Variants in CCAR1 observed in about 807,000 individuals in gnomAD.
CCAR1 encodes the protein cell division cycle and apoptosis regulator 1, also known as cell division cycle and apoptosis regulator protein 1.
A neutral mutation model predicts 163.8 loss-of-function variants in CCAR1; 78 were observed. The observed-to-expected ratio is 0.48, with a 90% CI of 0.40 to 0.57. The LOEUF (loss-of-function observed/expected upper bound fraction) is 0.57. Ranked by LOEUF, CCAR1 falls within the 20% of genes least tolerant of loss-of-function variation. The pLI is 0.00. For synonymous variants in CCAR1, 443 were observed against 460.7 expected (o/e 0.96, Z 0.49); for missense variants, 1,019 against 1,365.2 (o/e 0.75, Z 4.00).
At chr10:68,780,263 G>A (rs879812149) in intron 19 of CCAR1, among the ~76,000 whole-genome samples, 8 of 152,232 alleles carry the variant, frequency 5.3e-5, no homozygotes, top group South Asian at 2.1e-4. Context: ...TAGCACGCTC[G>A]TGGCTCACTG....
intron 19 of CCAR1, among the ~76,000 whole-genome samples, chr10:68,783,213 G>A (rs1323297349): frequency 2.7e-5 from 4 of 150,760 alleles, no homozygotes; most frequent in Admixed American, 6.6e-5. Flanking sequence ...TTTTTGAGAC[G>A]GAGTCTTGCT....
intron 2 of CCAR1, among the ~76,000 whole-genome samples, chr10:68,732,336 T>TTTTG (rs57833784): frequency 0.027 from 4,135 of 151,640 alleles, 131 homozygotes; most frequent in African/African-American, 0.073. Context: ...ACCAGAACAG[T>TTTTG]TTTGTTTGTT....
At chr10:68,769,405 G>A (rs188620331) in intron 17 of CCAR1, among the ~76,000 whole-genome samples, 2 of 152,298 alleles carry the variant, frequency 1.3e-5, no homozygotes, top group Non-Finnish European at 2.9e-5. Context: ...CGGATCGCCT[G>A]AGTTCAGGAG....
At position 68,756,748 on chromosome 10, in the gene CCAR1, C is replaced by T. The variant is rs1161847175; in HGVS notation, c.1836+265C>T. On this transcript the variant is annotated intron_variant, in intron 14 of 24. Coordinates refer to ENST00000265872, the MANE Select transcript of CCAR1 (RefSeq NM_018237.4). This position sits in a 1 kb window ranked among gnomAD's most constrained non-coding sequence, Gnocchi z 5.1. ...ACAGAATTTTGTTTTTATCATAGGTCTAGTTGCTGGAATCTGGGACCAGTT... is the reference window on the plus strand; with the variant it reads ...ACAGAATTTTGTTTTTATCATAGGTTTAGTTGCTGGAATCTGGGACCAGTT... 1 of 484,002 alleles carries T rather than the reference C, an allele frequency of 2.1e-6. No individual in the cohort carries two copies. Among genetic ancestry groups the T allele is most frequent in the East Asian group, 4.3e-5 (1 of 23,428 alleles). 30.0% of individuals were successfully genotyped at this position (484,002 alleles called of 1,614,324 possible).
rs563693456 is a variant in CCAR1 at position 68,736,825 on chromosome 10, A to G, written c.74-51A>G. 3.9e-6 allele frequency: 6 copies of G among 1,520,640 alleles called. No individual in the cohort carries two copies. In the South Asian group the frequency reaches 4.7e-5, roughly 12 times the overall value. 94.2% of individuals were successfully genotyped at this position (1,520,640 alleles called of 1,614,324 possible). On this transcript the variant is annotated intron_variant, in intron 2 of 24. Coordinates refer to ENST00000265872, the MANE Select transcript of CCAR1 (RefSeq NM_018237.4). ...TCTATGTACTGTTTTCATATTTTTT[A>G]TATTCTTCTTAATCTTGATTTTTAT...
chr10:68,769,495 G>A (rs991733304), intron 17 of CCAR1, among the ~76,000 whole-genome samples: 18 of 151,710 alleles, frequency 1.2e-4, no homozygotes, highest in African/African-American at 3.6e-4. Flanking sequence ...TGGCGCGTAC[G>A]TGTAATCCCA....
At chr10:68,748,575 G>A (rs1010610198) in intron 8 of CCAR1, among the ~76,000 whole-genome samples, 1 of 141,774 alleles carries the variant, frequency 7.1e-6, no homozygotes, top group Admixed American at 7.6e-5. Flanking sequence ...TGCAACCTCC[G>A]CCTCCCCGGC....
At chr10:68,747,721 A>T (rs1318622096) in intron 8 of CCAR1, among the ~76,000 whole-genome samples, 155 bp downstream of exon 8, 1 of 151,614 alleles carries the variant, frequency 6.6e-6, no homozygotes, top group Non-Finnish European at 1.5e-5. Flanking sequence ...ATGTGGAAGT[A>T]TTTTTTTTTC....
At chr10:68,731,692 T>C (rs775516954) in intron 2 of CCAR1, among the ~76,000 whole-genome samples, 12 of 147,392 alleles carry the variant, frequency 8.1e-5, no homozygotes, top group Non-Finnish European at 1.6e-4. Flanking sequence ...ACCTCCTGGG[T>C]TCAAACAAGT....
intron 15 of CCAR1, among the ~76,000 whole-genome samples, chr10:68,759,999 T>G (rs1323231344): frequency 1.3e-5 from 2 of 152,074 alleles, no homozygotes; most frequent in Non-Finnish European, 2.9e-5. Flanking sequence ...CATGCCTGGC[T>G]AATTTTTTTT....
chr10:68,771,332 G>T lies in CCAR1; in HGVS notation c.2425G>T (p.Asp809Tyr), dbSNP rs1442545311. ...KKEKDKKSKK[D>Y]ERKDKKEERD... ...AGAAAAGGATAAAAAAAGCAAAAAA[G>T]ATGAGAGAAAAGATAAAAAAGAAGA... is the stretch of plus-strand genomic sequence containing the variant. Residue 809 changes from aspartate (D) to tyrosine (Y), a missense_variant, in exon 18 of 25, where the codon GAT (aspartate) becomes TAT (tyrosine). By Grantham distance (160) the Asp-to-Tyr change is radical. Around this residue, in one of 4 missense-constraint regions of CCAR1, gnomAD observed 358 missense variants for 406.4 expected, o/e 0.88. Coordinates refer to ENST00000265872, the MANE Select transcript of CCAR1 (RefSeq NM_018237.4). 1 of 1,608,320 alleles carries T rather than the reference G, an allele frequency of 6.2e-7. No individual in the cohort carries two copies. Among genetic ancestry groups the T allele is most frequent in the South Asian group, 1.1e-5 (1 of 89,824 alleles).
chr10:68,760,175 T>C (rs2056450722), intron 15 of CCAR1, among the ~76,000 whole-genome samples: 1 of 152,170 alleles, frequency 6.6e-6, no homozygotes, highest in South Asian at 2.1e-4. Context: ...ACTTAACTTT[T>C]AGAGACAAGG....
intron 17 of CCAR1, among the ~76,000 whole-genome samples, chr10:68,768,843 T>C (rs185052818): frequency 1.1e-3 from 164 of 152,196 alleles, no homozygotes; most frequent in Non-Finnish European, 1.8e-3. Context: ...TAATGAAAAA[T>C]AGGCTAAAAT....
chr10:68,738,785 G>C (rs1025668551), intron 4 of CCAR1, among the ~76,000 whole-genome samples: 1 of 151,748 alleles, frequency 6.6e-6, no homozygotes, highest in Admixed American at 6.6e-5. Context: ...AGTGGTTCAC[G>C]CCTGTAATCC....
At chr10:68,755,315 T>C (rs1414070105) in intron 12 of CCAR1, 55 bp from the exon 13 acceptor site, 3 of 1,442,734 alleles carry the variant, frequency 2.1e-6, no homozygotes, top group African/African-American at 2.8e-5. Context: ...AAGTATCTTA[T>C]TGGTAATTTG....
intron 2 of CCAR1, among the ~76,000 whole-genome samples, chr10:68,725,945 A>C (rs567273211): frequency 1.4e-4 from 21 of 151,932 alleles, no homozygotes; most frequent in African/African-American, 4.6e-4. Flanking sequence ...ACGAAACCCC[A>C]TCTGCAGAAA....
chr10:68,772,916 G>A, intron 18 of CCAR1, 72 bp from the exon 19 acceptor site: 2 of 741,548 alleles, frequency 2.7e-6, no homozygotes, highest in Non-Finnish European at 2.1e-6. Context: ...TTGGAGACCA[G>A]CGTGGGCAAT....
At chr10:68,781,372 G>A (rs779630129) in intron 19 of CCAR1, among the ~76,000 whole-genome samples, 7 of 151,664 alleles carry the variant, frequency 4.6e-5, no homozygotes, top group African/African-American at 7.3e-5. Context: ...GTAAAACTCC[G>A]TCTCTACTAA....
chr10:68,760,407 G>A (rs1331496801), intron 15 of CCAR1, among the ~76,000 whole-genome samples: 1 of 151,986 alleles, frequency 6.6e-6, no homozygotes, highest in African/African-American at 2.4e-5. Context: ...TATTTAGGAT[G>A]TTTCCTTAGG....
Sources: gnomAD v4.1 joint callset for allele counts (sites outside exome capture counted in the v4.1 genomes callset) on GRCh38, gnomAD v4.1.1 for gene constraint, gnomAD v4.1.1 regional missense constraint, Gnocchi (gnomAD v3.1) non-coding constraint, MANE v1.5 for transcripts, NCBI Gene and HGNC (gene_info 2026-07-23, HGNC 2026-07-21) for gene names.